Variants in CSMD2 observed in about 807,000 individuals in gnomAD.
The protein encoded by CSMD2 is CUB and sushi domain-containing protein 2.
Under a neutral mutation model 398.5 loss-of-function variants are expected in CSMD2, and 130 were observed. The ratio of observed to expected loss-of-function variants is 0.33; its 90% CI spans 0.28 to 0.38. The LOEUF is 0.38. CSMD2 is among the 10% of genes least tolerant of loss of function. CSMD2 has a pLI of 1.00. For missense variants in CSMD2, 3,829 were observed against 4,764.9 expected (o/e 0.80, Z 5.78); for synonymous variants, 1,828 against 1,908.5 (o/e 0.96, Z 1.10).
intron 4 of CSMD2, among the ~76,000 whole-genome samples, chr1:33,918,599 C>A (rs921744975): frequency 6.6e-6 from 1 of 152,034 alleles, no homozygotes; most frequent in Non-Finnish European, 1.5e-5. Context: ...GACATATGAA[C>A]GTGCAAGGCA....
chr1:33,716,711 ACAG>A (rs1389813341), intron 19 of CSMD2, among the ~76,000 whole-genome samples: 3 of 152,196 alleles, frequency 2.0e-5, no homozygotes, highest in Non-Finnish European at 2.9e-5. Flanking sequence ...GAAGAATTTT[ACAG>A]TTCTTCTTTT....
rs565562590 is a variant in CSMD2, at chr1:33,571,776, G to A, written c.7763-50C>T. 1.2e-5 allele frequency: 16 copies of A among 1,349,600 alleles called. No individual in the cohort carries two copies. The East Asian group carries it at 3.8e-4, about 32-fold the overall frequency. The allele number at this position is 1,349,600 out of a possible 1,614,324, so 83.6% of individuals were successfully genotyped here. On this transcript the variant is annotated intron_variant, in intron 50 of 70. Coordinates refer to ENST00000373381, the MANE Select transcript of CSMD2 (RefSeq NM_001281956.2). ...AGGATTAATTACTTGATTAATTCTG[G>A]AAGACCTTGTAAGAGCCCAGATCTA...
intron 3 of CSMD2, among the ~76,000 whole-genome samples, chr1:33,971,540 C>CGTGG (rs1001692737): frequency 6.6e-6 from 1 of 152,178 alleles, no homozygotes; most frequent in Non-Finnish European, 1.5e-5. Flanking sequence ...CTGTGCTGTG[C>CGTGG]GTGGGTGAGA....
chr1:33,696,614 T>C (rs1645428177), intron 24 of CSMD2, among the ~76,000 whole-genome samples: 1 of 152,130 alleles, frequency 6.6e-6, no homozygotes, highest in South Asian at 2.1e-4. Context: ...TGTCCTTGGT[T>C]AGAGCTTCCT....
chr1:33,560,055 T>G (rs972079011), intron 53 of CSMD2, among the ~76,000 whole-genome samples: 1 of 152,318 alleles, frequency 6.6e-6, no homozygotes, highest in Middle Eastern at 3.4e-3. Flanking sequence ...TTGGGAGTAA[T>G]GAGCTGGCAT....
intron 5 of CSMD2, chr1:33,864,465 G>C (rs865789480): frequency 1.2e-6 from 2 of 1,613,810 alleles, no homozygotes; most frequent in Non-Finnish European, 8.5e-7. Flanking sequence ...GGATCCCCAG[G>C]AACCCAGACG....
At chr1:33,664,663 C>T (rs1253098969) in intron 25 of CSMD2, among the ~76,000 whole-genome samples, 2 of 151,678 alleles carry the variant, frequency 1.3e-5, no homozygotes, top group East Asian at 1.9e-4. Flanking sequence ...ATTAGCCGGG[C>T]GAGGTGGCGG....
chr1:34,094,961 T>C (rs1315757523), intron 1 of CSMD2, among the ~76,000 whole-genome samples: 6 of 143,686 alleles, frequency 4.2e-5, no homozygotes, highest in African/African-American at 2.6e-5. Context: ...TATACATTTT[T>C]TTCAGCACCA....
chr1:34,104,805 T>C (rs188526982), intron 1 of CSMD2, among the ~76,000 whole-genome samples: 5 of 152,248 alleles, frequency 3.3e-5, no homozygotes, highest in Non-Finnish European at 7.4e-5. Context: ...CAATGATCCT[T>C]TAGGAAAGGA....
intron 6 of CSMD2, among the ~76,000 whole-genome samples, chr1:33,836,619 G>T (rs1660296772): frequency 6.6e-6 from 1 of 152,160 alleles, no homozygotes; most frequent in Non-Finnish European, 1.5e-5. Context: ...AGACTGCTGT[G>T]CTAGCAATGA....
intron 26 of CSMD2, among the ~76,000 whole-genome samples, chr1:33,660,074 C>T (rs991192337): frequency 6.6e-6 from 1 of 152,166 alleles, no homozygotes; most frequent in Non-Finnish European, 1.5e-5. Flanking sequence ...TCTGGCCATA[C>T]TTGGAAGGAT....
intron 12 of CSMD2, among the ~76,000 whole-genome samples, chr1:33,773,519 C>T (rs1053925426): frequency 3.3e-5 from 5 of 152,146 alleles, no homozygotes; most frequent in African/African-American, 1.2e-4. Context: ...GGCTACCTCA[C>T]CGGAGAGGCA....
At chr1:34,125,371 C>T (rs1662624341) in intron 1 of CSMD2, among the ~76,000 whole-genome samples, 1 of 152,148 alleles carries the variant, frequency 6.6e-6, no homozygotes, top group Non-Finnish European at 1.5e-5. Flanking sequence ...TAGCCCTTGG[C>T]CAGGGAAACT....
rs183819488 is a variant in CSMD2 at position 33,946,972 on chromosome 1, G to T, written c.518-11018C>A. On this transcript the variant is annotated intron_variant, in intron 3 of 70. Coordinates refer to ENST00000373381, the MANE Select transcript of CSMD2 (RefSeq NM_001281956.2). Reference sequence around the variant, plus strand: ...TTATAGCAGGATAGGTTTTCTGTTTGTCTGGGTCAGAATGACCCTCAGGCT... The same window carrying T: ...TTATAGCAGGATAGGTTTTCTGTTTTTCTGGGTCAGAATGACCCTCAGGCT... Among the ~76,000 whole-genome samples, 5 of 152,230 alleles carry T rather than the reference G, an allele frequency of 3.3e-5. No individual in the cohort carries two copies. The East Asian group carries it at 9.7e-4, about 30-fold the overall frequency.
chr1:33,874,834 T>C (rs1640725695), intron 5 of CSMD2, among the ~76,000 whole-genome samples: 1 of 152,202 alleles, frequency 6.6e-6, no homozygotes, highest in South Asian at 2.1e-4. Context: ...CAGATGCGGC[T>C]CTGTATTTTT....
intron 12 of CSMD2, among the ~76,000 whole-genome samples, chr1:33,782,713 C>G (rs1652942795): frequency 6.6e-6 from 1 of 152,178 alleles, no homozygotes; most frequent in African/African-American, 2.4e-5. Flanking sequence ...CTTTTCTGAG[C>G]ATGTGTCCTG....
At chr1:33,996,653 G>A (rs1646736003) in intron 3 of CSMD2, among the ~76,000 whole-genome samples, 1 of 152,154 alleles carries the variant, frequency 6.6e-6, no homozygotes, top group African/African-American at 2.4e-5. Flanking sequence ...CTGGACTTGT[G>A]TGCCTCTCCT....
chr1:33,788,186 A>G (rs1653765409), intron 12 of CSMD2, among the ~76,000 whole-genome samples: 1 of 152,034 alleles, frequency 6.6e-6, no homozygotes, highest in Admixed American at 6.6e-5. Flanking sequence ...AACATGCCTA[A>G]GGGGGAGGAA....
intron 5 of CSMD2, among the ~76,000 whole-genome samples, chr1:33,910,726 G>A (rs1389660405): frequency 6.6e-6 from 1 of 152,170 alleles, no homozygotes. Flanking sequence ...GGGAGCTGAG[G>A]GTGGTCCCCT....
Sources: gnomAD v4.1 joint callset for allele counts (sites outside exome capture counted in the v4.1 genomes callset) on GRCh38, gnomAD v4.1.1 for gene constraint, MANE v1.5 for transcripts, NCBI Gene and HGNC (gene_info 2026-07-23, HGNC 2026-07-21) for gene names.